The following NT5M variants were observed in gnomAD, a reference collection of about 807,000 sequenced individuals.
NT5M encodes 5'(3')-deoxyribonucleotidase, mitochondrial.
NT5M carries 22 observed loss-of-function variants against 22.2 expected under a neutral mutation model. The ratio of observed to expected loss-of-function variants is 0.99; its 90% CI spans 0.71 to 1.41. NT5M has a LOEUF of 1.41. Ranked by LOEUF, NT5M falls within the 40% of genes most tolerant of loss-of-function variation. The probability of loss-of-function intolerance (pLI) is 0.00; values close to 1 mark genes in which losing one functional copy is unlikely to be tolerated. For synonymous variants in NT5M, 167 were observed against 133.0 expected, an observed-to-expected ratio of 1.26 and a Z score of -1.76; for missense variants, 322 against 314.8, an observed-to-expected ratio of 1.02 and a Z score of -0.17.
In NT5M at chr17:17,332,841, T is replaced by C. The variant is rs544398450; in HGVS notation, c.429+9596T>C. ...AGGGTTCACTCCCGGTATCCTGCGTTCTGTGGTATTGGTAATCGGGGAGGC... is the reference window on the plus strand; with the variant it reads ...AGGGTTCACTCCCGGTATCCTGCGTCCTGTGGTATTGGTAATCGGGGAGGC... On this transcript the variant is annotated intron_variant, in intron 3 of 4. Transcript: ENST00000389022. 4.7e-4 allele frequency among the ~76,000 whole-genome samples: 72 copies of C among 152,276 alleles called. 3 individuals carry two copies. In the South Asian group the frequency reaches 0.015, roughly 31 times the overall value.
chr17:17,342,592 G>T (rs3785504), intron 3 of NT5M, among the ~76,000 whole-genome samples: 55,589 of 152,012 alleles, frequency 0.37, 10,784 homozygotes, highest in East Asian at 0.48. Flanking sequence ...ACTCCCAGAT[G>T]TTCCATGTTC....
intron 3 of NT5M, among the ~76,000 whole-genome samples, chr17:17,341,264 TA>T (rs747010908): frequency 5.9e-5 from 9 of 152,194 alleles, no homozygotes; most frequent in Non-Finnish European, 1.2e-4. Flanking sequence ...AAAGTCTAGT[TA>T]TAATAATTAC....
intron 3 of NT5M, among the ~76,000 whole-genome samples, chr17:17,338,719 C>T (rs1290290103): frequency 1.2e-3 from 41 of 34,606 alleles, no homozygotes; most frequent in Admixed American, 2.1e-3. Context: ...TGAAGAATGT[C>T]ATTGGTATTT....
At chr17:17,337,159 A>G (rs2049532220) in intron 3 of NT5M, among the ~76,000 whole-genome samples, 1 of 151,996 alleles carries the variant, frequency 6.6e-6, no homozygotes, top group Non-Finnish European at 1.5e-5. Context: ...GTGAGATGAT[A>G]TTTCCTTGTA....
chr17:17,330,134 A>G (rs2145399010), intron 3 of NT5M, among the ~76,000 whole-genome samples: 1 of 151,956 alleles, frequency 6.6e-6, no homozygotes, highest in Admixed American at 6.6e-5. Flanking sequence ...CCCCGTCTCT[A>G]CTAAAAATAC....
intron 3 of NT5M, among the ~76,000 whole-genome samples, chr17:17,335,531 G>A (rs2049489671): frequency 6.6e-6 from 1 of 152,130 alleles, no homozygotes; most frequent in Non-Finnish European, 1.5e-5. Flanking sequence ...GGCATGCAAT[G>A]TGTAACAAAC....
Position 17,323,095 on chromosome 17 carries a change from C to T in NT5M, c.369-90C>T, listed in dbSNP as rs2049185199. On this transcript the variant is annotated intron_variant, in intron 2 of 4. Coordinates refer to ENST00000389022, the MANE Select transcript of NT5M (RefSeq NM_020201.4). ...GGGGAAGGGTTCAGACTCAGAGGGT[C>T]CAGCCCTGTGAAGGCAGGGCAGGTG... is the stretch of plus-strand genomic sequence containing the variant. 3.0e-6 allele frequency: 3 copies of T among 997,814 alleles called. No homozygotes were observed. The Admixed American group carries it at 5.1e-5, about 17-fold the overall frequency. 61.8% of individuals were successfully genotyped at this position (997,814 alleles called of 1,614,324 possible).
At chr17:17,332,842 C>T (rs944586297) in intron 3 of NT5M, among the ~76,000 whole-genome samples, 1 of 152,144 alleles carries the variant, frequency 6.6e-6, no homozygotes, top group Admixed American at 6.5e-5. Flanking sequence ...ATCCTGCGTT[C>T]TGTGGTATTG....
intron 3 of NT5M, among the ~76,000 whole-genome samples, chr17:17,336,169 A>AT (rs1233353448): frequency 1.3e-5 from 2 of 151,272 alleles, no homozygotes; most frequent in African/African-American, 4.9e-5. Flanking sequence ...CGCCCAGCTA[A>AT]TTTTTTGTAT....
chr17:17,325,110 G>A (rs2049238006), intron 3 of NT5M, among the ~76,000 whole-genome samples: 1 of 152,154 alleles, frequency 6.6e-6, no homozygotes, highest in Non-Finnish European at 1.5e-5. Context: ...GAGCCCGCCA[G>A]GTGATTCTCA....
At chr17:17,340,755 G>A (rs141920084) in intron 3 of NT5M, among the ~76,000 whole-genome samples, 1 of 152,074 alleles carries the variant, frequency 6.6e-6, no homozygotes, top group Non-Finnish European at 1.5e-5. Flanking sequence ...TTGATCTCCT[G>A]ACCTTGTGAT....
intron 3 of NT5M, among the ~76,000 whole-genome samples, chr17:17,324,469 G>A (rs1400101182): frequency 1.4e-5 from 2 of 148,036 alleles, no homozygotes; most frequent in African/African-American, 2.5e-5. Flanking sequence ...GGGTGACAGA[G>A]CGAGACTGTC....
At chr17:17,317,991 A>G (rs913245667) in intron 2 of NT5M, among the ~76,000 whole-genome samples, 2 of 88,466 alleles carry the variant, frequency 2.3e-5, no homozygotes, top group South Asian at 3.8e-4. Flanking sequence ...AAAGTTAGAC[A>G]TAGACTCACT....
In NT5M at chr17:17,315,744, GTTTTTTTGTT is replaced by G. The variant is rs1419869400; in HGVS notation, c.369-7433_369-7424del. ...AGAGATTGATGTGATCTAACTTAGG[GTTTTTTTGTT>G]TTTTTTTTTTTTTTTTTTTTGAGAC... On this transcript the variant is annotated intron_variant, in intron 2 of 4. Transcript: ENST00000389022. Among the ~76,000 whole-genome samples the G allele has an allele frequency of 2.2e-3, 147 of 67,754 alleles. 2 individuals carry two copies. Among genetic ancestry groups the G allele is most frequent in the Non-Finnish European group, 3.0e-3 (112 of 37,272 alleles). The allele number at this position is 67,754 out of a possible 152,430, so 44.4% of individuals were successfully genotyped here.
chr17:17,320,255 G>C (rs907444602), intron 2 of NT5M, among the ~76,000 whole-genome samples: 1 of 152,214 alleles, frequency 6.6e-6, no homozygotes, highest in African/African-American at 2.4e-5. Flanking sequence ...TTTAAAAAGA[G>C]TGGGTCTGGA....
chr17:17,332,850 T>C (rs1237589916), intron 3 of NT5M, among the ~76,000 whole-genome samples: 2 of 152,138 alleles, frequency 1.3e-5, no homozygotes, highest in African/African-American at 4.8e-5. Context: ...TTCTGTGGTA[T>C]TGGTAATCGG....
At chr17:17,333,116 A>G (rs1020792843) in intron 3 of NT5M, among the ~76,000 whole-genome samples, 1 of 152,188 alleles carries the variant, frequency 6.6e-6, no homozygotes, top group Admixed American at 6.5e-5. Context: ...GACATTGGAC[A>G]TGTTTTTAAG....
chr17:17,342,070 A>G (rs1201279505), intron 3 of NT5M, among the ~76,000 whole-genome samples: 3 of 152,228 alleles, frequency 2.0e-5, no homozygotes, highest in African/African-American at 7.2e-5. Flanking sequence ...TGGGTTAAAT[A>G]CATATAAATA....
At chr17:17,318,785 CAAAAAAA>C (rs61422345) in intron 2 of NT5M, among the ~76,000 whole-genome samples, 2 of 40,244 alleles carry the variant, frequency 5.0e-5, no homozygotes, top group South Asian at 1.5e-3. Context: ...AACTCCGTCT[CAAAAAAA>C]AAAAAAAAAA....
Sources: gnomAD v4.1 joint callset for allele counts (sites outside exome capture counted in the v4.1 genomes callset) on GRCh38, gnomAD v4.1.1 for gene constraint, MANE v1.5 for transcripts, NCBI Gene and HGNC (gene_info 2026-07-23, HGNC 2026-07-21) for gene names.